LRRC47: variants seen among roughly 807,000 people sequenced by gnomAD.
LRRC47 encodes leucine-rich repeat-containing protein 47.
Under a neutral mutation model 40.9 loss-of-function variants are expected in LRRC47, and 31 were observed. The ratio of observed to expected loss-of-function variants is 0.76; its 90% CI spans 0.57 to 1.02. The LOEUF (loss-of-function observed/expected upper bound fraction) is 1.02, where lower values mean the gene tolerates loss of function less well. Ranked by LOEUF, LRRC47 falls within the 50% of genes least tolerant of loss-of-function variation. The pLI, the probability that LRRC47 is intolerant of heterozygous loss-of-function variation, is 0.00. For missense variants in LRRC47, 726 were observed against 796.1 expected (o/e 0.91, Z 1.06); for synonymous variants, 427 against 371.9 (o/e 1.15, Z -1.70).
intron 1 of LRRC47, among the ~76,000 whole-genome samples, chr1:3,788,581 T>C (rs1334152067): frequency 6.6e-6 from 1 of 152,086 alleles, no homozygotes. Flanking sequence ...GGTGATGGAA[T>C]TTCTCAAGCC....
At chr1:3,786,818 C>T (rs1190555962) in intron 2 of LRRC47, 31 bp downstream of exon 2, 3 of 1,540,092 alleles carry the variant, frequency 1.9e-6, no homozygotes, top group Middle Eastern at 2.0e-4. Flanking sequence ...ACCTCTGTCC[C>T]AGTCATCTGA....
chr1:3,787,437 G>A lies in LRRC47; in HGVS notation c.616-127C>T, dbSNP rs763123093. On this transcript the variant is annotated intron_variant, in intron 1 of 6. Transcript: ENST00000378251. ...ACCACTGGCCTGTCTGTGGGGACGC[G>A]TCCCTGGGGAGCCACAAGTCATTCA... The A allele has an allele frequency of 2.2e-4, 199 of 890,820 alleles. 1 individual carries two copies. The highest frequency in any genetic ancestry group is 2.0e-3 in the South Asian group (111 of 56,412). 55.2% of individuals were successfully genotyped at this position (890,820 alleles called of 1,614,324 possible).
intron 5 of LRRC47, 86 bp from the exon 6 acceptor site, chr1:3,781,687 CAA>C: frequency 8.8e-7 from 1 of 1,139,654 alleles, no homozygotes; most frequent in Non-Finnish European, 1.3e-6. Context: ...GAAAAATCTA[CAA>C]AACTGTGTGG....
intron 1 of LRRC47, among the ~76,000 whole-genome samples, chr1:3,788,709 G>A (rs113006428): frequency 3.3e-5 from 5 of 152,186 alleles, no homozygotes; most frequent in East Asian, 1.9e-4. Flanking sequence ...GCTCAGAAGC[G>A]GGAAGGGTGG....
At chr1:3,784,162 G>T in intron 3 of LRRC47, 51 bp from the exon 4 acceptor site, 1 of 1,491,028 alleles carries the variant, frequency 6.7e-7, no homozygotes. Flanking sequence ...CACAGAACTC[G>T]CCCATCGTGT....
chr1:3,781,957 G>A (rs930836409), intron 5 of LRRC47, among the ~76,000 whole-genome samples: 11 of 152,160 alleles, frequency 7.2e-5, no homozygotes, highest in East Asian at 1.9e-4. Flanking sequence ...CTCCAACTTC[G>A]GCAACACAGC....
Position 3,779,430 on chromosome 1 carries a change from G to A in LRRC47, c.*1658C>T, listed in dbSNP as rs1255121592. The A allele has an allele frequency of 1.3e-5, 2 of 152,248 alleles. No homozygotes were observed. Among genetic ancestry groups the A allele is most frequent in the African/African-American group, 4.8e-5 (2 of 41,438 alleles). 9.4% of individuals were successfully genotyped at this position (152,248 alleles called of 1,614,324 possible). A position where few individuals can be genotyped will look rare whatever the true frequency, so the allele number is the denominator to read the frequency against. On this transcript the variant is annotated 3_prime_UTR_variant, in exon 7 of 7. Transcript: ENST00000378251. ...CATGGCACCCAGATCGTAAGGCAGT[G>A]GGGTCTGTAAAATCATCGCGGTGGC...
chr1:3,789,225 G>A (rs1570739363), intron 1 of LRRC47, among the ~76,000 whole-genome samples: 1 of 152,382 alleles, frequency 6.6e-6, no homozygotes, highest in East Asian at 1.9e-4. Context: ...CAGAGCCCTG[G>A]CTCCAGCGTT....
Position 3,781,806 on chromosome 1 carries a change from C to A in LRRC47, c.1414-205G>T, listed in dbSNP as rs565010538. On this transcript the variant is annotated intron_variant, in intron 5 of 6. Coordinates refer to ENST00000378251, the MANE Select transcript of LRRC47 (RefSeq NM_020710.3). ...ACCAGCCTGGACAACACAGCAAGACCCCATCTCTACAAAAAAATACAAAAA... is the reference window on the plus strand; with the variant it reads ...ACCAGCCTGGACAACACAGCAAGACACCATCTCTACAAAAAAATACAAAAA... 5.3e-5 allele frequency among the ~76,000 whole-genome samples: 8 copies of A among 152,184 alleles called. No homozygotes were observed. In the South Asian group the frequency reaches 1.0e-3, roughly 20 times the overall value.
chr1:3,792,872 A>T (rs576212614), intron 1 of LRRC47, among the ~76,000 whole-genome samples: 20 of 152,360 alleles, frequency 1.3e-4, no homozygotes, highest in African/African-American at 4.6e-4. Flanking sequence ...TAGTACATCA[A>T]CACTCTGGAA....
intron 1 of LRRC47, among the ~76,000 whole-genome samples, chr1:3,789,198 G>C (rs1223741975): frequency 6.6e-6 from 1 of 152,252 alleles, no homozygotes; most frequent in Non-Finnish European, 1.5e-5. Context: ...GCCTTCTAGA[G>C]CTCCTCACCT....
rs17411279 is a variant in LRRC47, at chr1:3,779,928, C to T, written c.*1160G>A. 0.1 allele frequency: 15,405 copies of T among 152,242 alleles called. 905 individuals carry two copies. The highest frequency in any genetic ancestry group is 0.14 in the African/African-American group (5,758 of 41,532). 9.4% of individuals were successfully genotyped at this position (152,242 alleles called of 1,614,324 possible). On this transcript the variant is annotated 3_prime_UTR_variant, in exon 7 of 7. Coordinates refer to ENST00000378251, the MANE Select transcript of LRRC47 (RefSeq NM_020710.3). ...GCAATCCAACAGCAGTATGAAGAGA[C>T]GCAATTCTGCCAATTCTAAGGTCAC...
rs143820005 is a variant in LRRC47, at chr1:3,795,647, T to A, written c.615+215A>T. ...GCGGGGGAGTTCAGAGGCCACCTAG[T>A]ATGTTGGTGTGGCCAGGAGAAGGGG... On this transcript the variant is annotated intron_variant, in intron 1 of 6. Transcript: ENST00000378251. Among the ~76,000 whole-genome samples the A allele has an allele frequency of 5.6e-3, 856 of 152,258 alleles. 11 individuals are homozygous for A. The highest frequency in any genetic ancestry group is 0.02 in the African/African-American group (822 of 41,564).
At chr1:3,785,052 C>T in intron 3 of LRRC47, 35 bp downstream of exon 3, 1 of 1,505,568 alleles carries the variant, frequency 6.6e-7, no homozygotes, top group Non-Finnish European at 9.0e-7. Flanking sequence ...ACCAAGGAGA[C>T]TCTTCAGCAG....
intron 1 of LRRC47, among the ~76,000 whole-genome samples, chr1:3,790,128 T>C (rs1046840569): frequency 6.6e-6 from 1 of 152,260 alleles, no homozygotes; most frequent in African/African-American, 2.4e-5. Context: ...GTCCTGACTC[T>C]GGCCTGGCAT....
intron 1 of LRRC47, among the ~76,000 whole-genome samples, chr1:3,789,122 C>T (rs1260761233): frequency 6.6e-6 from 1 of 152,258 alleles, no homozygotes; most frequent in Non-Finnish European, 1.5e-5. Context: ...TCACAAAGTA[C>T]CAGGAGCCGT....
rs1256406069 is a variant in LRRC47, at chr1:3,781,140, G to A, written c.1700C>T (p.Pro567Leu). 5 of 1,614,076 alleles carry A rather than the reference G, an allele frequency of 3.1e-6. No individual in the cohort carries two copies. Among genetic ancestry groups the A allele is most frequent in the Non-Finnish European group, 4.2e-6 (5 of 1,180,032 alleles). Residue 567 changes from proline to leucine, a missense_variant, in exon 7 of 7, where the codon CCG (proline) becomes CTG (leucine). By Grantham distance (98) the Pro-to-Leu change is moderately conservative (BLOSUM62 -3). Transcript: ENST00000378251. ...GGCAGTGGCCAGGTCGGCCTTGGAC[G>A]GGTACACCACCTTCAGGCTCCCTTC... ...DLEGSLKVVY[P>L]SKADLATAPP...
In LRRC47 at chr1:3,796,204, C is replaced by G. The variant is rs1297219227; in HGVS notation, c.273G>C (p.Leu91=). The part of the protein sequence containing the change: ...VLRRNALGPG[L]SPELGPLPAL... ...CAGGCAGCGGCCCGAGCTCGGGGCT[C>G]AGGCCGGGCCCCAGCGCGTTGCGCC... Residue 91 remains leucine, a synonymous_variant, in exon 1 of 7, where the codon CTG becomes CTC. Coordinates refer to ENST00000378251, the MANE Select transcript of LRRC47 (RefSeq NM_020710.3). 1.4e-6 allele frequency: 2 copies of G among 1,428,430 alleles called. No individual in the cohort carries two copies. The highest frequency in any genetic ancestry group is 3.0e-5 in the African/African-American group (2 of 66,452). The allele number at this position is 1,428,430 out of a possible 1,614,324, so 88.5% of individuals were successfully genotyped here. A position where few individuals can be genotyped will look rare whatever the true frequency, so the allele number is the denominator to read the frequency against.
chr1:3,787,375 C>T (rs1042612146), intron 1 of LRRC47, 65 bp from the exon 2 acceptor site: 25 of 1,472,704 alleles, frequency 1.7e-5, no homozygotes, highest in Admixed American at 2.0e-5. Flanking sequence ...AGGTCATGCT[C>T]GAGAGGCAGG....
Sources: allele counts gnomAD v4.1 joint callset (sites outside exome capture counted in the v4.1 genomes callset), GRCh38; gene constraint gnomAD v4.1.1; transcripts MANE v1.5; gene names NCBI Gene and HGNC (gene_info 2026-07-23, HGNC 2026-07-21).